APOOL: variants seen among roughly 807,000 people sequenced by gnomAD.
APOOL encodes MICOS complex subunit MIC27.
Under a neutral mutation model 23.1 loss-of-function variants are expected in APOOL, and 12 were observed. The ratio of observed to expected loss-of-function variants is 0.52; its 90% CI spans 0.33 to 0.84. The LOEUF (loss-of-function observed/expected upper bound fraction) is 0.84, where lower values mean the gene tolerates loss of function less well. APOOL is among the 40% of genes least tolerant of loss of function. The pLI is 0.02. For missense variants in APOOL, 212 were observed against 199.6 expected (o/e 1.06, Z -0.37); for synonymous variants, 77 against 69.9 (o/e 1.10, Z -0.51).
intron 1 of APOOL, among the ~76,000 whole-genome samples, chrX:85,024,357 T>G: frequency 8.9e-6 from 1 of 112,289 alleles, no homozygotes; most frequent in Non-Finnish European, 1.9e-5. Flanking sequence ...ATGACTAGTA[T>G]TTGTGGAGTT....
chrX:85,065,226 G>C (rs1182556153), intron 5 of APOOL, among the ~76,000 whole-genome samples: 1 of 111,122 alleles, frequency 9.0e-6, no homozygotes, highest in Admixed American at 9.6e-5. Context: ...CTTTCCATTT[G>C]CTTGGTAAAT....
intron 8 of APOOL, among the ~76,000 whole-genome samples, chrX:85,084,054 A>G (rs1478765071): frequency 3.6e-5 from 4 of 110,068 alleles, no homozygotes; most frequent in African/African-American, 1.3e-4. Context: ...AGTGTAAGAG[A>G]GCCCTTAATC....
chrX:85,067,681 A>G (rs781458050), intron 6 of APOOL, among the ~76,000 whole-genome samples: 1 of 106,685 alleles, frequency 9.4e-6, no homozygotes, highest in East Asian at 2.9e-4. Flanking sequence ...CAGGAACTCA[A>G]TATGGAAACC....
At chrX:85,054,620 T>TTG (rs376391513) in intron 4 of APOOL, among the ~76,000 whole-genome samples, 151 of 110,959 alleles carry the variant, frequency 1.4e-3, no homozygotes, top group African/African-American at 4.6e-3. Flanking sequence ...GGCTAAGGTG[T>TTG]TGTACTTAGC....
At chrX:85,031,584 G>A (rs768231592) in intron 1 of APOOL, among the ~76,000 whole-genome samples, 2 of 111,567 alleles carry the variant, frequency 1.8e-5, no homozygotes, top group East Asian at 5.6e-4. Context: ...TGAAGGGCAG[G>A]GTTTTGGTAA....
chrX:85,056,026 G>T (rs1922952905), intron 5 of APOOL, 101 bp downstream of exon 5: 1 of 546,638 alleles, frequency 1.8e-6, no homozygotes, highest in Middle Eastern at 3.6e-4. Context: ...ATATTATCTG[G>T]ATAGGCTACT....
rs1262454919 is a variant in APOOL at position 85,003,942 on chromosome X, A to C, written c.15+15A>C. On this transcript the variant is annotated intron_variant, in intron 1 of 8. Transcript: ENST00000373173. ...CGGCCATCAGGGTAAGCGAAAACCA[A>C]CTTGCTTAATTTCTGTGGGTGCCGA... 1.7e-6 allele frequency: 2 copies of C among 1,209,868 alleles called. No homozygotes were observed. Among genetic ancestry groups the C allele is most frequent in the African/African-American group, 3.5e-5 (2 of 57,223 alleles).
intron 8 of APOOL, among the ~76,000 whole-genome samples, chrX:85,085,898 G>T (rs773403025): frequency 2.7e-5 from 3 of 111,928 alleles, no homozygotes; most frequent in East Asian, 5.6e-4. Context: ...TTATGTTGTG[G>T]TCAGACAAAT....
chrX:85,080,416 A>G (rs1349076528), intron 8 of APOOL: 1 of 111,877 alleles, frequency 8.9e-6, no homozygotes, highest in Non-Finnish European at 1.9e-5. Flanking sequence ...TGAGTTTCTT[A>G]ATCCTGAGTT....
intron 8 of APOOL, among the ~76,000 whole-genome samples, chrX:85,084,134 C>CTT (rs35647720): frequency 9.8e-4 from 82 of 83,789 alleles, no homozygotes; most frequent in African/African-American, 1.6e-3. Flanking sequence ...TGAGATGAAG[C>CTT]TTTTTTTTTT....
At chrX:85,038,702 G>A (rs754369035) in intron 1 of APOOL, among the ~76,000 whole-genome samples, 25 of 108,501 alleles carry the variant, frequency 2.3e-4, no homozygotes, top group Admixed American at 7.9e-4. Context: ...GTTCATAGAG[G>A]ATTTCATAAT....
chrX:85,009,702 G>A (rs768205827), intron 1 of APOOL, among the ~76,000 whole-genome samples: 8 of 110,418 alleles, frequency 7.2e-5, no homozygotes, highest in African/African-American at 2.0e-4. Context: ...AGGTAAACTC[G>A]TATCATGGGC....
In APOOL at chrX:85,092,673, C is replaced by T. The variant is rs1569463023; in HGVS notation, c.*4995C>T. 1.0e-5 allele frequency: 7 copies of T among 697,794 alleles called. No homozygotes were observed. Among genetic ancestry groups the T allele is most frequent in the Non-Finnish European group, 1.4e-5 (7 of 491,967 alleles). 57.5% of individuals were successfully genotyped at this position (697,794 alleles called of 1,213,427 possible). A position where few individuals can be genotyped will look rare whatever the true frequency, so the allele number is the denominator to read the frequency against. On this transcript the variant is annotated 3_prime_UTR_variant, in exon 9 of 9. Transcript: ENST00000373173. ...TGCAAGACACTATGTGTGAATAATA[C>T]TTCCAAATATAGTAGTTACCTTTTG... is the stretch of plus-strand genomic sequence containing the variant.
intron 1 of APOOL, among the ~76,000 whole-genome samples, chrX:85,018,072 T>C (rs1378178565): frequency 8.9e-6 from 1 of 112,665 alleles, no homozygotes; most frequent in Non-Finnish European, 1.9e-5. Flanking sequence ...CATCCATGAA[T>C]GAGTCTTTTA....
rs1167855923 is a variant in APOOL, at chrX:85,054,854, G to A, written c.295+456G>A. On this transcript the variant is annotated intron_variant, in intron 4 of 8. Transcript: ENST00000373173. ...AACATGTCTCCATTGTTGCTAATTAGTTTAAGTGCTACTTGCTGTTAAAAT... is the reference window on the plus strand; with the variant it reads ...AACATGTCTCCATTGTTGCTAATTAATTTAAGTGCTACTTGCTGTTAAAAT... Among the ~76,000 whole-genome samples the A allele has an allele frequency of 6.3e-5, 7 of 111,548 alleles. No individual in the cohort carries two copies. In the East Asian group the frequency reaches 2.0e-3, roughly 32 times the overall value.
chrX:85,072,984 G>A (rs1396398565), intron 6 of APOOL, among the ~76,000 whole-genome samples: 1 of 111,196 alleles, frequency 9.0e-6, no homozygotes, highest in African/African-American at 3.3e-5. Flanking sequence ...TTTTTTGAAA[G>A]ATCTGTAAAT....
chrX:85,028,494 T>A (rs756034697), intron 1 of APOOL, among the ~76,000 whole-genome samples: 2 of 111,785 alleles, frequency 1.8e-5, no homozygotes, highest in Non-Finnish European at 3.8e-5. Flanking sequence ...TTATGGAGAA[T>A]GGGGTATCCA....
At position 85,091,008 on chromosome X, in the gene APOOL, G is replaced by C. The variant is rs991727826; in HGVS notation, c.*3330G>C. The C allele has an allele frequency of 8.9e-6, 1 of 112,260 alleles. No homozygotes were observed. The highest frequency in any genetic ancestry group is 1.9e-5 in the Non-Finnish European group (1 of 53,302). The allele number at this position is 112,260 out of a possible 1,213,427, so 9.3% of individuals were successfully genotyped here. ...TAATCCCAGCACTTTGGGAGGCCAAGGTGGGTGAATCACCTGAGGTCAGGA... is the reference window on the plus strand; with the variant it reads ...TAATCCCAGCACTTTGGGAGGCCAACGTGGGTGAATCACCTGAGGTCAGGA... On this transcript the variant is annotated 3_prime_UTR_variant, in exon 9 of 9. Transcript: ENST00000373173.
At chrX:85,082,126 T>G (rs1924125931) in intron 8 of APOOL, among the ~76,000 whole-genome samples, 1 of 112,304 alleles carries the variant, frequency 8.9e-6, no homozygotes, top group Non-Finnish European at 1.9e-5. Context: ...CCAGCTTTGT[T>G]CCATTGATGG....
Sources: allele counts gnomAD v4.1 joint callset (sites outside exome capture counted in the v4.1 genomes callset), GRCh38; gene constraint gnomAD v4.1.1; transcripts MANE v1.5; gene names NCBI Gene and HGNC (gene_info 2026-07-23, HGNC 2026-07-21).